FHIT: variants seen among roughly 807,000 people sequenced by gnomAD.
FHIT encodes bis(5'-adenosyl)-triphosphatase.
A neutral mutation model predicts 17.9 loss-of-function variants in FHIT; 19 were observed. The observed-to-expected ratio is 1.06, with a 90% confidence interval of 0.74 to 1.56. The LOEUF (loss-of-function observed/expected upper bound fraction) is 1.56. Among genes scored for constraint, FHIT ranks in the 40% most tolerant of loss-of-function variants. FHIT has a pLI of 0.00. For synonymous variants in FHIT, 81 were observed against 69.7 expected (o/e 1.16, Z -0.81); for missense variants, 248 against 189.2 (o/e 1.31, Z -1.82).
In FHIT at chr3:60,976,143, G is replaced by A. The variant is rs569968208; in HGVS notation, c.-111+65904C>T. On this transcript the variant is annotated intron_variant, in intron 3 of 9. Coordinates refer to ENST00000492590, the MANE Select transcript of FHIT (RefSeq NM_002012.4). ...TTTTTTTGAGACGGAGTTTCACTCTGTTGCCCAAGCTGGAGTGCAGTGGTG... is the reference window on the plus strand; with the variant it reads ...TTTTTTTGAGACGGAGTTTCACTCTATTGCCCAAGCTGGAGTGCAGTGGTG... Among the ~76,000 whole-genome samples the A allele has an allele frequency of 1.7e-4, 15 of 87,446 alleles. No individual in the cohort carries two copies. The East Asian group carries it at 5.3e-3, about 31-fold the overall frequency. 57.4% of individuals were successfully genotyped at this position (87,446 alleles called of 152,430 possible). A position where few individuals can be genotyped will look rare whatever the true frequency, so the allele number is the denominator to read the frequency against.
At chr3:59,846,884 T>C (rs1281562518) in intron 8 of FHIT, among the ~76,000 whole-genome samples, 1 of 152,166 alleles carries the variant, frequency 6.6e-6, no homozygotes, top group African/African-American at 2.4e-5. Context: ...TTTTTTCTTT[T>C]ACCACTTTGA....
intron 5 of FHIT, among the ~76,000 whole-genome samples, chr3:60,123,638 T>C (rs1576151617): frequency 1.3e-5 from 2 of 152,092 alleles, no homozygotes; most frequent in African/African-American, 2.4e-5. Context: ...GATTTTCAAA[T>C]GATGAGTAGA....
chr3:60,258,100 A>ACACACACACC (rs770378733), intron 5 of FHIT, among the ~76,000 whole-genome samples: 1,963 of 145,100 alleles, frequency 0.014, 20 homozygotes, highest in Non-Finnish European at 0.02. Flanking sequence ...ACACACACAC[A>ACACACACACC]CCTCTGCAGA....
intron 3 of FHIT, among the ~76,000 whole-genome samples, chr3:61,027,148 G>A (rs1053662994): frequency 7.2e-5 from 11 of 152,052 alleles, no homozygotes; most frequent in Admixed American, 2.6e-4. Context: ...GTGCAGTGGC[G>A]CAATCTTGGC....
intron 4 of FHIT, among the ~76,000 whole-genome samples, chr3:60,807,097 T>G (rs1701420688): frequency 6.6e-6 from 1 of 152,140 alleles, no homozygotes; most frequent in South Asian, 2.1e-4. Flanking sequence ...GCCAAGAAAT[T>G]TTCAGGCCTC....
At chr3:60,044,425 T>C (rs1007830159) in intron 5 of FHIT, among the ~76,000 whole-genome samples, 9 of 152,182 alleles carry the variant, frequency 5.9e-5, no homozygotes, top group East Asian at 1.9e-4. Flanking sequence ...ATTTTCAGCA[T>C]GAGTGCCCAG....
At chr3:60,860,087 TA>T (rs1703580652) in intron 3 of FHIT, among the ~76,000 whole-genome samples, 1 of 147,026 alleles carries the variant, frequency 6.8e-6, no homozygotes, top group Non-Finnish European at 1.5e-5. Context: ...TGATATATGA[TA>T]TATATATGAT....
chr3:59,801,608 T>G (rs977272754), intron 8 of FHIT, among the ~76,000 whole-genome samples: 4 of 151,994 alleles, frequency 2.6e-5, no homozygotes, highest in African/African-American at 9.7e-5. Context: ...AAGCCTAAAT[T>G]TTATTAAACA....
intron 5 of FHIT, among the ~76,000 whole-genome samples, chr3:60,283,652 G>C (rs1576419160): frequency 1.3e-5 from 2 of 152,030 alleles, no homozygotes; most frequent in African/African-American, 4.8e-5. Flanking sequence ...TCTGCATCCT[G>C]TCAGTATTTA....
chr3:60,581,278 GGTAA>G (rs1448720704), intron 4 of FHIT, among the ~76,000 whole-genome samples: 3 of 152,004 alleles, frequency 2.0e-5, no homozygotes, highest in Non-Finnish European at 2.9e-5. Flanking sequence ...ATTTAAAGAG[GGTAA>G]GTAATTTGTC....
At chr3:60,715,098 T>A (rs111447010) in intron 4 of FHIT, among the ~76,000 whole-genome samples, 1 of 152,114 alleles carries the variant, frequency 6.6e-6, no homozygotes, top group South Asian at 2.1e-4. Context: ...TATAGATCAA[T>A]GGAACAGAAC....
intron 5 of FHIT, among the ~76,000 whole-genome samples, chr3:60,160,689 A>G (rs1331281831): frequency 2.0e-5 from 3 of 152,158 alleles, no homozygotes; most frequent in Non-Finnish European, 2.9e-5. Context: ...AGCTGTTGTA[A>G]TGTCAAGCAG....
chr3:60,629,332 A>C (rs1271281946), intron 4 of FHIT, among the ~76,000 whole-genome samples: 2 of 152,144 alleles, frequency 1.3e-5, no homozygotes, highest in Non-Finnish European at 2.9e-5. Context: ...GTTCTTAGGG[A>C]GATTCTTCAG....
At chr3:59,909,398 C>T (rs1360374448) in intron 8 of FHIT, among the ~76,000 whole-genome samples, 1 of 152,066 alleles carries the variant, frequency 6.6e-6, no homozygotes, top group African/African-American at 2.4e-5. Flanking sequence ...GGCATGATCT[C>T]AGCTCACTGC....
At chr3:60,297,711 T>C (rs4295132) in intron 5 of FHIT, among the ~76,000 whole-genome samples, 94,426 of 151,984 alleles carry the variant, frequency 0.62, 31,721 homozygotes, top group East Asian at 0.96. Context: ...CATAAAATAC[T>C]AAAGTGTTTT....
At chr3:60,441,822 ATTTTT>A (rs2107334231) in intron 5 of FHIT, among the ~76,000 whole-genome samples, 5 of 116,414 alleles carry the variant, frequency 4.3e-5, no homozygotes, top group Middle Eastern at 4.4e-3. Context: ...ATATCAGGTC[ATTTTT>A]CCTCCCGCTC....
chr3:60,206,849 C>T (rs1703216192), intron 5 of FHIT, among the ~76,000 whole-genome samples: 1 of 151,806 alleles, frequency 6.6e-6, no homozygotes, highest in Non-Finnish European at 1.5e-5. Context: ...ATTTGGTGTC[C>T]ACTGTACTTT....
chr3:59,976,280 C>T (rs1452446607), intron 7 of FHIT, among the ~76,000 whole-genome samples: 1 of 152,008 alleles, frequency 6.6e-6, no homozygotes, highest in Non-Finnish European at 1.5e-5. Flanking sequence ...CCTGACTCCC[C>T]AGAAGAGAAT....
chr3:60,142,477 G>C (rs908762885), intron 5 of FHIT, among the ~76,000 whole-genome samples: 1 of 146,044 alleles, frequency 6.8e-6, no homozygotes, highest in Non-Finnish European at 1.5e-5. Context: ...AAGATGCCAG[G>C]CTATTTATTT....
Sources: allele counts gnomAD v4.1 joint callset (sites outside exome capture counted in the v4.1 genomes callset), GRCh38; gene constraint gnomAD v4.1.1; transcripts MANE v1.5; gene names NCBI Gene and HGNC (gene_info 2026-07-23, HGNC 2026-07-21).